PHACTR3: variants seen among roughly 807,000 people sequenced by gnomAD.
PHACTR3 encodes protein phosphatase 1, regulatory subunit 123.
PHACTR3 carries 16 observed loss-of-function variants against 66.8 expected under a neutral mutation model. The ratio of observed to expected loss-of-function variants is 0.24; its 90% CI spans 0.16 to 0.36. The LOEUF (loss-of-function observed/expected upper bound fraction) is 0.36, where lower values mean the gene tolerates loss of function less well. PHACTR3 is among the 10% of genes least tolerant of loss of function. The pLI is 1.00. For synonymous variants in PHACTR3, 323 were observed against 292.1 expected (o/e 1.11, Z -1.08); for missense variants, 647 against 719.9 (o/e 0.90, Z 1.16).
chr20:59,845,300 T>G (rs2059128746), intron 12 of PHACTR3, 35 bp downstream of exon 12: 3 of 1,385,110 alleles, frequency 2.2e-6, no homozygotes, highest in Non-Finnish European at 3.1e-6. Context: ...ATGGTACTTA[T>G]TTTTGAAACA....
rs116080693 is a variant in PHACTR3 at position 59,773,558 on chromosome 20, C to T, written c.926+105C>T. ...CGCCCAGGGCCTTGGCTGGGTGTCCCGTTCTACAGTCACTTTCTGAACAAG... is the reference window on the plus strand; with the variant it reads ...CGCCCAGGGCCTTGGCTGGGTGTCCTGTTCTACAGTCACTTTCTGAACAAG... On this transcript the variant is annotated intron_variant, in intron 6 of 12. Coordinates refer to ENST00000371015, the MANE Select transcript of PHACTR3 (RefSeq NM_080672.5). The T allele has an allele frequency of 4.3e-3, 5,071 of 1,183,438 alleles. 113 individuals are homozygous for T. The African/African-American group carries it at 0.062, about 14-fold the overall frequency. 73.3% of individuals were successfully genotyped at this position (1,183,438 alleles called of 1,614,324 possible). A position where few individuals can be genotyped will look rare whatever the true frequency, so the allele number is the denominator to read the frequency against.
intron 1 of PHACTR3, among the ~76,000 whole-genome samples, chr20:59,610,610 AC>A (rs2033817410): frequency 6.6e-6 from 1 of 152,260 alleles, no homozygotes; most frequent in African/African-American, 2.4e-5. Flanking sequence ...AGTTGTAGCC[AC>A]ATTTCAAGTG....
Position 59,718,786 on chromosome 20 carries a change from C to T in PHACTR3, c.119-24321C>T, listed in dbSNP as rs531796412. Among the ~76,000 whole-genome samples the T allele has an allele frequency of 4.6e-5, 7 of 152,336 alleles. No individual in the cohort carries two copies. The East Asian group carries it at 1.4e-3, about 29-fold the overall frequency. On this transcript the variant is annotated intron_variant, in intron 1 of 12. Coordinates refer to ENST00000371015, the MANE Select transcript of PHACTR3 (RefSeq NM_080672.5). ...ATGCAACTTTTCACTTTACACGGCTCTGTTTTAAAAAGGGTGTCAACATAT... is the reference window on the plus strand; with the variant it reads ...ATGCAACTTTTCACTTTACACGGCTTTGTTTTAAAAAGGGTGTCAACATAT...
intron 10 of PHACTR3, 98 bp downstream of exon 10, chr20:59,840,528 G>C: frequency 6.6e-7 from 1 of 1,525,888 alleles, no homozygotes; most frequent in Non-Finnish European, 8.8e-7. Context: ...ATCACTCTGT[G>C]ATCATGAATA....
intron 7 of PHACTR3, among the ~76,000 whole-genome samples, chr20:59,785,610 G>T (rs1433886063): frequency 6.6e-6 from 1 of 152,178 alleles, no homozygotes; most frequent in African/African-American, 2.4e-5. Flanking sequence ...CCAGCGACCT[G>T]AGTTGACTAG....
chr20:59,682,476 T>G (rs2036698717), intron 1 of PHACTR3, among the ~76,000 whole-genome samples: 1 of 152,128 alleles, frequency 6.6e-6, no homozygotes, highest in Non-Finnish European at 1.5e-5. Context: ...TCCTGGAGCT[T>G]GTGTGCTAGT....
chr20:59,722,429 A>G (rs1351032882), intron 1 of PHACTR3, among the ~76,000 whole-genome samples: 1 of 152,072 alleles, frequency 6.6e-6, no homozygotes, highest in African/African-American at 2.4e-5. Flanking sequence ...AGCAACAAAC[A>G]GGGCACGATC....
intron 7 of PHACTR3, among the ~76,000 whole-genome samples, chr20:59,794,988 T>G (rs2146966306): frequency 6.6e-6 from 1 of 152,274 alleles, no homozygotes; most frequent in Non-Finnish European, 1.5e-5. Context: ...TATTTTCTAG[T>G]CTTTATTTTA....
At chr20:59,689,251 T>C (rs1019316315) in intron 1 of PHACTR3, among the ~76,000 whole-genome samples, 4 of 152,176 alleles carry the variant, frequency 2.6e-5, no homozygotes, top group Non-Finnish European at 5.9e-5. Context: ...GGGGCGGCCT[T>C]GGAGGAAGGG....
intron 1 of PHACTR3, among the ~76,000 whole-genome samples, chr20:59,647,643 A>G (rs529376235): frequency 1.2e-3 from 180 of 152,154 alleles, no homozygotes; most frequent in Middle Eastern, 3.4e-3. Context: ...TGTTCTTTTG[A>G]TCCACAAGCT....
intron 1 of PHACTR3, among the ~76,000 whole-genome samples, chr20:59,587,154 C>T (rs1028445353): frequency 6.6e-5 from 10 of 152,350 alleles, no homozygotes; most frequent in South Asian, 2.1e-4. Context: ...GGTGGGACCC[C>T]GTGTGCCCTA....
At chr20:59,821,939 C>A (rs1410206852) in intron 8 of PHACTR3, among the ~76,000 whole-genome samples, 1 of 151,536 alleles carries the variant, frequency 6.6e-6, no homozygotes, top group Non-Finnish European at 1.5e-5. Context: ...TGTGGACAAA[C>A]ACAGCTACCC....
chr20:59,648,540 C>T (rs1168880360), intron 1 of PHACTR3, among the ~76,000 whole-genome samples: 1 of 152,154 alleles, frequency 6.6e-6, no homozygotes, highest in Non-Finnish European at 1.5e-5. Context: ...TCTTAATCAG[C>T]AAGAGGGTGG....
intron 1 of PHACTR3, among the ~76,000 whole-genome samples, chr20:59,700,137 A>G (rs1050416880): frequency 6.6e-6 from 1 of 152,150 alleles, no homozygotes; most frequent in Non-Finnish European, 1.5e-5. Flanking sequence ...AATGATGGCA[A>G]TCTACACATA....
intron 8 of PHACTR3, among the ~76,000 whole-genome samples, chr20:59,817,078 A>C (rs1249485956): frequency 6.6e-6 from 1 of 152,258 alleles, no homozygotes; most frequent in Non-Finnish European, 1.5e-5. Flanking sequence ...TCAATAAAAT[A>C]AGAGTTTAGT....
intron 1 of PHACTR3, among the ~76,000 whole-genome samples, chr20:59,716,627 A>T (rs574347088): frequency 6.6e-6 from 1 of 152,204 alleles, no homozygotes; most frequent in East Asian, 1.9e-4. Flanking sequence ...GGGCTAAAGG[A>T]GATTCTCCAG....
intron 1 of PHACTR3, among the ~76,000 whole-genome samples, chr20:59,727,958 A>C (rs1386972461): frequency 6.6e-6 from 1 of 152,244 alleles, no homozygotes; most frequent in Non-Finnish European, 1.5e-5. Flanking sequence ...GGCTCAGCCC[A>C]AAATCGTCTG....
At chr20:59,644,259 A>G (rs1600994151) in intron 1 of PHACTR3, among the ~76,000 whole-genome samples, 1 of 152,370 alleles carries the variant, frequency 6.6e-6, no homozygotes, top group East Asian at 1.9e-4. Flanking sequence ...GCAGCTGCAA[A>G]TCAAGTCATT....
At chr20:59,615,565 C>T (rs973144693) in intron 1 of PHACTR3, among the ~76,000 whole-genome samples, 4 of 152,224 alleles carry the variant, frequency 2.6e-5, no homozygotes, top group African/African-American at 7.2e-5. Flanking sequence ...CAGGCTTCTG[C>T]AAAAGCATTC....
Sources: allele counts gnomAD v4.1 joint callset (sites outside exome capture counted in the v4.1 genomes callset), GRCh38; gene constraint gnomAD v4.1.1; transcripts MANE v1.5; gene names NCBI Gene and HGNC (gene_info 2026-07-23, HGNC 2026-07-21).